The following CCPG1 variants were observed in gnomAD, a reference collection of about 807,000 sequenced individuals.
The protein encoded by CCPG1 is cell cycle progression 1, also known as cell cycle progression protein 1.
CCPG1 carries 46 observed loss-of-function variants against 81.3 expected under a neutral mutation model. That is an observed-to-expected ratio of 0.57 (90% CI 0.45 to 0.72). The LOEUF (loss-of-function observed/expected upper bound fraction) is 0.72, where lower values mean the gene tolerates loss of function less well. Among genes scored for constraint, CCPG1 ranks in the 30% least tolerant of loss-of-function variants. CCPG1 has a pLI of 0.00. For missense variants in CCPG1, 902 were observed against 937.6 expected, an observed-to-expected ratio of 0.96 and a Z score of 0.50; for synonymous variants, 330 against 305.2, an observed-to-expected ratio of 1.08 and a Z score of -0.85.
chr15:55,377,109 TC>T lies in CCPG1; in HGVS notation c.293del (p.Gly98GlufsTer17), dbSNP rs776849815. Reference sequence around the variant, plus strand: ...CAATATCAGAATCATCACTGGCAGTTCCAATATAGATACTGTCTTCGGGTAT... The same window carrying T: ...CAATATCAGAATCATCACTGGCAGTTCAATATAGATACTGTCTTCGGGTAT... ...QKIPEDSIYI[G>X]TASDDSDIVT... On this transcript the variant is annotated frameshift_variant, in exon 5 of 9. Coordinates refer to ENST00000442196, the MANE Select transcript of CCPG1 (RefSeq NM_001204450.2). LOFTEE classifies it high-confidence loss of function. The T allele has an allele frequency of 1.2e-6, 2 of 1,613,668 alleles. No individual in the cohort carries two copies. Among genetic ancestry groups the T allele is most frequent in the Non-Finnish European group, 1.7e-6 (2 of 1,179,640 alleles).
In CCPG1 at chr15:55,375,290, G is replaced by A. The variant is rs566477754; in HGVS notation, c.454+1659C>T. Among the ~76,000 whole-genome samples, 11 of 152,120 alleles carry A rather than the reference G, an allele frequency of 7.2e-5. No individual in the cohort carries two copies. In the East Asian group the frequency reaches 1.4e-3, roughly 19 times the overall value. ...AGCAACAGTATGTAGTTCCTTTTAC[G>A]TCTATGTCAGTTTCTTATATATCTG... On this transcript the variant is annotated intron_variant, in intron 5 of 8. Coordinates refer to ENST00000442196, the MANE Select transcript of CCPG1 (RefSeq NM_001204450.2).
At chr15:55,380,635 A>AG (rs1433695098) in intron 3 of CCPG1, among the ~76,000 whole-genome samples, 2 of 152,134 alleles carry the variant, frequency 1.3e-5, no homozygotes, top group East Asian at 3.9e-4. Flanking sequence ...TGCAAAGAAC[A>AG]GGGAAAAAAA....
chr15:55,374,007 A>ATT (rs1483038005), intron 5 of CCPG1: 1 of 315,552 alleles, frequency 3.2e-6, no homozygotes, highest in African/African-American at 2.2e-5. Flanking sequence ...GGCATGCAAT[A>ATT]AGCTTGGCCA....
Position 55,356,293 on chromosome 15 carries a change from C to T in CCPG1, c.2351G>A (p.Gly784Asp), listed in dbSNP as rs1038269066. 4 of 1,534,960 alleles carry T rather than the reference C, an allele frequency of 2.6e-6. No individual in the cohort carries two copies. The highest frequency in any genetic ancestry group is 3.5e-6 in the Non-Finnish European group (4 of 1,146,310). The change falls in exon 9 of 9, where the codon GGT (glycine) becomes GAT (aspartate). Residue 784 changes from glycine (G) to aspartate (D), a missense_variant. Physicochemically the swap from Gly to Asp is moderately conservative, Grantham distance 94. Coordinates refer to ENST00000442196, the MANE Select transcript of CCPG1 (RefSeq NM_001204450.2). ...YKREGKWHKY[G>D]RTNGRQMANL... ...TGCCATTTGTCTTCCATTAGTGCGA[C>T]CATATTTATGCCATTTACCTTCCCT... is the stretch of plus-strand genomic sequence containing the variant.
intron 5 of CCPG1, among the ~76,000 whole-genome samples, chr15:55,373,584 G>A (rs1411187215): frequency 6.6e-6 from 1 of 152,144 alleles, no homozygotes; most frequent in Non-Finnish European, 1.5e-5. Context: ...TGCCCATCAT[G>A]TTTATCTGGT....
At chr15:55,384,385 C>T (rs1400730622) in intron 3 of CCPG1, among the ~76,000 whole-genome samples, 4 of 152,144 alleles carry the variant, frequency 2.6e-5, no homozygotes, top group African/African-American at 7.2e-5. Context: ...ACAGGCCAGG[C>T]GCAGTGGCTC....
rs775218163 is a variant in CCPG1, at chr15:55,355,248, T to C, written c.*972A>G. ...TTGACTGAAACAGTACTCAGCAAAATGTAGCCTTTATTTACTTAAACATTT... is the reference window on the plus strand; with the variant it reads ...TTGACTGAAACAGTACTCAGCAAAACGTAGCCTTTATTTACTTAAACATTT... On this transcript the variant is annotated 3_prime_UTR_variant, in exon 9 of 9. Transcript: ENST00000442196. 4 of 1,538,144 alleles carry C rather than the reference T, an allele frequency of 2.6e-6. No individual in the cohort carries two copies. Among genetic ancestry groups the C allele is most frequent in the Non-Finnish European group, 3.6e-6 (4 of 1,122,584 alleles).
intron 3 of CCPG1, among the ~76,000 whole-genome samples, chr15:55,383,288 C>G (rs756517579): frequency 6.6e-6 from 1 of 152,190 alleles, no homozygotes; most frequent in Non-Finnish European, 1.5e-5. Flanking sequence ...GGTCTCAACA[C>G]TGAGCTTAAA....
intron 5 of CCPG1, among the ~76,000 whole-genome samples, chr15:55,373,230 C>T (rs1324292065): frequency 6.6e-6 from 1 of 152,152 alleles, no homozygotes; most frequent in Non-Finnish European, 1.5e-5. Context: ...TATGTTGACA[C>T]AGAAGCTTCA....
chr15:55,401,306 G>C (rs778207398), intron 1 of CCPG1, among the ~76,000 whole-genome samples: 1 of 152,112 alleles, frequency 6.6e-6, no homozygotes, highest in Non-Finnish European at 1.5e-5. Flanking sequence ...CTACAACGCT[G>C]GTTTAATTGC....
At chr15:55,372,702 T>G in intron 5 of CCPG1, 2 of 262,122 alleles carry the variant, frequency 7.6e-6, no homozygotes, top group South Asian at 4.0e-5. Flanking sequence ...TAAACAAGTA[T>G]TATTTCTGGA....
chr15:55,359,308 A>T (rs937180362), intron 8 of CCPG1: 2 of 1,212,860 alleles, frequency 1.6e-6, no homozygotes, highest in African/African-American at 3.1e-5. Flanking sequence ...TAAGATAAAA[A>T]TTAAACCATT....
intron 6 of CCPG1, among the ~76,000 whole-genome samples, chr15:55,366,556 G>A (rs958628020): frequency 6.6e-6 from 1 of 152,122 alleles, no homozygotes; most frequent in Non-Finnish European, 1.5e-5. Flanking sequence ...TGGATCACCT[G>A]AGGTCAGGAG....
chr15:55,399,094 C>T (rs1595866383), intron 1 of CCPG1, among the ~76,000 whole-genome samples: 1 of 151,944 alleles, frequency 6.6e-6, no homozygotes, highest in South Asian at 2.1e-4. Flanking sequence ...AAGAAAAGTA[C>T]TTTTTGAAGA....
chr15:55,379,270 C>G (rs2056631058), intron 3 of CCPG1, among the ~76,000 whole-genome samples: 1 of 151,410 alleles, frequency 6.6e-6, no homozygotes, highest in Non-Finnish European at 1.5e-5. Context: ...ACCTGTCACC[C>G]TAGCACTTTT....
chr15:55,360,045 T>G lies in CCPG1; in HGVS notation c.1728A>C (p.Ala576=). The G allele has an allele frequency of 1.2e-6, 2 of 1,613,710 alleles. No homozygotes were observed. Among genetic ancestry groups the G allele is most frequent in the Non-Finnish European group, 1.7e-6 (2 of 1,179,946 alleles). Residue 576 remains alanine, a synonymous_variant, in exon 8 of 9, where the codon GCA becomes GCC. Transcript: ENST00000442196. ...FSDYLHPQYK[A]PTENHHNRGP... ...CTCTATTATGATGGTTTTCTGTAGG[T>G]GCCTTATACTGTGGATGTAAATAGT...
At chr15:55,379,785 C>T (rs555955403) in intron 3 of CCPG1, among the ~76,000 whole-genome samples, 1 of 152,120 alleles carries the variant, frequency 6.6e-6, no homozygotes, top group South Asian at 2.1e-4. Context: ...ATGATGACTT[C>T]ACAATATATT....
At position 55,360,786 on chromosome 15, in the gene CCPG1, G is replaced by C. The variant is rs1178640647; in HGVS notation, c.987C>G (p.Asn329Lys). Residue 329 changes from asparagine to lysine, a missense_variant, in exon 8 of 9, where the codon AAC becomes AAG. Asn to Lys is a moderately conservative substitution (Grantham distance 94). Transcript: ENST00000442196. Reference protein sequence around the residue: ...KALSSLQEELNKLREQIRILE... With the variant: ...KALSSLQEELKKLREQIRILE... ...ATATTCTAATCTGTTCTCTTAGTTT[G>C]TTTAACTCTTCCTGTAATGAGGATA... 1 of 1,612,440 alleles carries C rather than the reference G, an allele frequency of 6.2e-7. No individual in the cohort carries two copies. The highest frequency in any genetic ancestry group is 8.5e-7 in the Non-Finnish European group (1 of 1,179,522).
At chr15:55,390,878 T>C (rs551833464) in intron 1 of CCPG1, among the ~76,000 whole-genome samples, 5 of 152,326 alleles carry the variant, frequency 3.3e-5, no homozygotes, top group East Asian at 1.9e-4. Flanking sequence ...CAAGAGCATT[T>C]TGTAATAGGC....
Sources: allele counts gnomAD v4.1 joint callset (sites outside exome capture counted in the v4.1 genomes callset), GRCh38; gene constraint gnomAD v4.1.1; transcripts MANE v1.5; gene names NCBI Gene and HGNC (gene_info 2026-07-23, HGNC 2026-07-21).